The following PDE7B variants were observed in gnomAD, a reference collection of about 807,000 sequenced individuals.
The protein encoded by PDE7B is 3',5'-cyclic-AMP phosphodiesterase 7B.
PDE7B carries 29 observed loss-of-function variants against 56.2 expected under a neutral mutation model. The ratio of observed to expected loss-of-function variants is 0.52; its 90% CI spans 0.38 to 0.70. The LOEUF (loss-of-function observed/expected upper bound fraction) is 0.70, where lower values mean the gene tolerates loss of function less well. Among genes scored for constraint, PDE7B ranks in the 30% least tolerant of loss-of-function variants. The probability of loss-of-function intolerance (pLI) is 0.00; values close to 1 mark genes in which losing one functional copy is unlikely to be tolerated. For synonymous variants in PDE7B, 197 were observed against 196.9 expected (o/e 1.00, Z 0.00); for missense variants, 490 against 565.0 (o/e 0.87, Z 1.35).
chr6:135,976,055 C>G (rs1439021012), intron 2 of PDE7B, among the ~76,000 whole-genome samples: 1 of 152,118 alleles, frequency 6.6e-6, no homozygotes, highest in Non-Finnish European at 1.5e-5. Context: ...GTATCCAGAC[C>G]TGCAGCCGAT....
chr6:136,083,890 C>A (rs1051826247), intron 2 of PDE7B, among the ~76,000 whole-genome samples: 1 of 151,934 alleles, frequency 6.6e-6, no homozygotes, highest in Non-Finnish European at 1.5e-5. Context: ...GACATAGCTC[C>A]CTAATATCAG....
rs1312394045 is a variant in PDE7B at position 136,070,256 on chromosome 6, A to G, written c.83-38475A>G. The G allele has an allele frequency of 2.6e-5, 4 of 152,196 alleles. No individual in the cohort carries two copies. The East Asian group carries it at 7.7e-4, about 29-fold the overall frequency. 9.4% of individuals were successfully genotyped at this position (152,196 alleles called of 1,614,324 possible). ...TGCAACAACAGGAACAGTGTAATTAAAAGTGGATTAAGTCCTTGAATTCCA... is the reference window on the plus strand; with the variant it reads ...TGCAACAACAGGAACAGTGTAATTAGAAGTGGATTAAGTCCTTGAATTCCA... On this transcript the variant is annotated intron_variant, in intron 2 of 12. Transcript: ENST00000308191.
intron 5 of PDE7B, among the ~76,000 whole-genome samples, chr6:136,150,617 C>A (rs1429945059): frequency 1.3e-5 from 2 of 152,148 alleles, no homozygotes; most frequent in Non-Finnish European, 2.9e-5. Context: ...AACAGTATTT[C>A]TTGAATGCTT....
intron 8 of PDE7B, among the ~76,000 whole-genome samples, chr6:136,160,852 C>G (rs777001233): frequency 6.6e-6 from 1 of 152,000 alleles, no homozygotes; most frequent in East Asian, 1.9e-4. Context: ...CAGATACATA[C>G]GGAGTGCTGA....
In PDE7B at chr6:136,010,706, G is replaced by A. The variant is rs570569902; in HGVS notation, c.82+63182G>A. ...TGCAATGGCGTGATCTCAGCTCACTGCAACCACTGGGTCCCTCCCTTGACA... is the reference window on the plus strand; with the variant it reads ...TGCAATGGCGTGATCTCAGCTCACTACAACCACTGGGTCCCTCCCTTGACA... On this transcript the variant is annotated intron_variant, in intron 2 of 12. Transcript: ENST00000308191. Among the ~76,000 whole-genome samples the A allele has an allele frequency of 5.3e-5, 8 of 152,200 alleles. No individual in the cohort carries two copies. In the South Asian group the frequency reaches 1.2e-3, roughly 24 times the overall value.
intron 1 of PDE7B, among the ~76,000 whole-genome samples, chr6:135,883,326 G>A (rs771720469): frequency 3.3e-5 from 5 of 152,148 alleles, no homozygotes; most frequent in Non-Finnish European, 7.3e-5. Flanking sequence ...AGCCTGCCCA[G>A]CTCACATTTG....
intron 8 of PDE7B, among the ~76,000 whole-genome samples, chr6:136,172,358 T>C (rs1007407624): frequency 6.6e-6 from 1 of 152,224 alleles, no homozygotes; most frequent in Non-Finnish European, 1.5e-5. Context: ...TATCTCACTG[T>C]GGTTTTGATT....
intron 9 of PDE7B, among the ~76,000 whole-genome samples, chr6:136,177,615 A>G (rs1778998880): frequency 6.6e-6 from 1 of 152,232 alleles, no homozygotes; most frequent in Non-Finnish European, 1.5e-5. Flanking sequence ...CCATCAAACT[A>G]GCAAAAAATG....
At chr6:135,858,925 TTATAC>T (rs1172444886) in intron 1 of PDE7B, among the ~76,000 whole-genome samples, 2 of 152,144 alleles carry the variant, frequency 1.3e-5, no homozygotes, top group African/African-American at 2.4e-5. Context: ...TAAAGGAAAA[TTATAC>T]TATAATATCA....
intron 2 of PDE7B, among the ~76,000 whole-genome samples, chr6:135,961,111 T>G (rs1774891155): frequency 6.6e-6 from 1 of 152,204 alleles, no homozygotes; most frequent in African/African-American, 2.4e-5. Context: ...ATTTGCTATG[T>G]GTCCCTTCAC....
intron 8 of PDE7B, among the ~76,000 whole-genome samples, chr6:136,163,874 A>T (rs972989649): frequency 2.0e-5 from 3 of 152,230 alleles, no homozygotes; most frequent in Non-Finnish European, 4.4e-5. Context: ...ACCTAAGCCT[A>T]GACTTTATTG....
chr6:136,173,036 C>CT (rs1262278207), intron 8 of PDE7B, among the ~76,000 whole-genome samples: 118 of 152,164 alleles, frequency 7.8e-4, no homozygotes, highest in African/African-American at 2.4e-3. Flanking sequence ...ATTCCATGCT[C>CT]ATGGGTAGGA....
chr6:136,001,472 T>C (rs1775667166), intron 2 of PDE7B, among the ~76,000 whole-genome samples: 1 of 152,150 alleles, frequency 6.6e-6, no homozygotes, highest in Non-Finnish European at 1.5e-5. Flanking sequence ...GACAAATGTA[T>C]AACTAGAATA....
At chr6:135,867,290 C>T (rs76151801) in intron 1 of PDE7B, among the ~76,000 whole-genome samples, 8 of 151,888 alleles carry the variant, frequency 5.3e-5, no homozygotes, top group African/African-American at 1.9e-4. Flanking sequence ...TATTTTTGTT[C>T]CTTTTCAAAA....
At chr6:136,020,574 T>A (rs1562471504) in intron 2 of PDE7B, among the ~76,000 whole-genome samples, 1 of 152,072 alleles carries the variant, frequency 6.6e-6, no homozygotes, top group Non-Finnish European at 1.5e-5. Flanking sequence ...GCCTCTCTTT[T>A]CACAGAGGAG....
At chr6:136,069,764 A>G (rs1330374942) in intron 2 of PDE7B, among the ~76,000 whole-genome samples, 2 of 152,180 alleles carry the variant, frequency 1.3e-5, no homozygotes, top group African/African-American at 4.8e-5. Flanking sequence ...TCATCAGAAA[A>G]TAGAGCAGAG....
chr6:136,144,302 A>C (rs1778378327), intron 3 of PDE7B, among the ~76,000 whole-genome samples: 1 of 152,080 alleles, frequency 6.6e-6, no homozygotes, highest in African/African-American at 2.4e-5. Flanking sequence ...CTCTATATGC[A>C]CCATTTGTTA....
At chr6:135,860,358 T>C (rs1275261163) in intron 1 of PDE7B, among the ~76,000 whole-genome samples, 1 of 152,032 alleles carries the variant, frequency 6.6e-6, no homozygotes, top group African/African-American at 2.4e-5. Context: ...AAAATGTCTG[T>C]TTTGAAAATG....
At chr6:135,859,788 A>G (rs1775111276) in intron 1 of PDE7B, among the ~76,000 whole-genome samples, 1 of 152,054 alleles carries the variant, frequency 6.6e-6, no homozygotes. Flanking sequence ...AGCCTATTTA[A>G]AATATATTGT....
Sources: allele counts gnomAD v4.1 joint callset (sites outside exome capture counted in the v4.1 genomes callset), GRCh38; gene constraint gnomAD v4.1.1; transcripts MANE v1.5; gene names NCBI Gene and HGNC (gene_info 2026-07-23, HGNC 2026-07-21).